Variants in TTLL5 observed in about 807,000 individuals in gnomAD.
The protein encoded by TTLL5 is tubulin tyrosine ligase like 5.
A neutral mutation model predicts 168.4 loss-of-function variants in TTLL5; 132 were observed. The observed-to-expected ratio is 0.78, with a 90% CI of 0.68 to 0.91. TTLL5 has a LOEUF of 0.91. TTLL5 is among the 40% of genes least tolerant of loss of function. TTLL5 has a pLI of 0.00. For synonymous variants in TTLL5, 546 were observed against 558.6 expected, an observed-to-expected ratio of 0.98 and a Z score of 0.32; for missense variants, 1,545 against 1,581.5, an observed-to-expected ratio of 0.98 and a Z score of 0.39.
chr14:75,661,793 A>G (rs912653249), intron 1 of TTLL5, among the ~76,000 whole-genome samples: 5 of 152,054 alleles, frequency 3.3e-5, no homozygotes, highest in Admixed American at 6.5e-5. Context: ...CCCGTTGAGA[A>G]TCCCCTGAAG....
At chr14:75,798,437 G>GT (rs974162511) in intron 27 of TTLL5, among the ~76,000 whole-genome samples, 33 of 149,748 alleles carry the variant, frequency 2.2e-4, no homozygotes, top group African/African-American at 8.1e-4. Flanking sequence ...TTTGTATTGG[G>GT]TTTTTTTGTT....
rs373032875 is a variant in TTLL5 at position 75,766,053 on chromosome 14, C to A, written c.1709-9C>A. ...TTTTTCAGCAACATTAGTGATTCTT[C>A]GTATTTAGTGATTACCCAACCAGCT... On this transcript the variant is annotated splice_polypyrimidine_tract_variant and intron_variant, in intron 19 of 31. Coordinates refer to ENST00000298832, the MANE Select transcript of TTLL5 (RefSeq NM_015072.5). 1.3e-6 allele frequency: 2 copies of A among 1,599,326 alleles called. No homozygotes were observed. Among genetic ancestry groups the A allele is most frequent in the Admixed American group, 1.7e-5 (1 of 57,562 alleles).
chr14:75,878,403 C>T (rs1048108724), intron 29 of TTLL5, among the ~76,000 whole-genome samples: 1 of 152,168 alleles, frequency 6.6e-6, no homozygotes, highest in Non-Finnish European at 1.5e-5. Flanking sequence ...CTATGCCTAT[C>T]CACCTCTTGC....
chr14:75,895,687 TAA>T (rs2032622708), intron 30 of TTLL5, among the ~76,000 whole-genome samples: 2 of 152,058 alleles, frequency 1.3e-5, no homozygotes, highest in African/African-American at 4.8e-5. Flanking sequence ...CACTCAAAAA[TAA>T]ACTCTTAATA....
chr14:75,669,500 C>T lies in TTLL5; in HGVS notation c.159C>T (p.Asp53=). The T allele has an allele frequency of 6.2e-7, 1 of 1,614,028 alleles. No homozygotes were observed. Among genetic ancestry groups the T allele is most frequent in the Non-Finnish European group, 8.5e-7 (1 of 1,179,934 alleles). ...ATGCCGACGCTATTCTTACAAAGGA[C>T]AACAATATTAGAGTAATTGGAGGTG... ...VFHADAILTK[D]NNIRVIGERY... Residue 53 remains aspartate, a synonymous_variant, in exon 3 of 32, where the codon GAC becomes GAT. Coordinates refer to ENST00000298832, the MANE Select transcript of TTLL5 (RefSeq NM_015072.5).
rs1191968656 is a variant in TTLL5, at chr14:75,732,385, T to G, written c.1090T>G (p.Leu364Val). The G allele has an allele frequency of 2.5e-6, 4 of 1,613,790 alleles. No homozygotes were observed. The highest frequency in any genetic ancestry group is 3.4e-6 in the Non-Finnish European group (4 of 1,179,890). ...VLIDSTLKPW[L>V]LEVNLSPSLA... Reference sequence around the variant, plus strand: ...CATAGATTCTACTCTGAAGCCATGGTTGTTGGAAGTGAATCTCTCTCCTTC... The same window carrying G: ...CATAGATTCTACTCTGAAGCCATGGGTGTTGGAAGTGAATCTCTCTCCTTC... The change falls in exon 13 of 32, where the codon TTG (leucine) becomes GTG (valine). Residue 364 changes from leucine (L) to valine (V), a missense_variant. Coordinates refer to ENST00000298832, the MANE Select transcript of TTLL5 (RefSeq NM_015072.5).
chr14:75,911,104 T>G (rs941801161), intron 31 of TTLL5, among the ~76,000 whole-genome samples: 1 of 152,190 alleles, frequency 6.6e-6, no homozygotes, highest in African/African-American at 2.4e-5. Flanking sequence ...CTCAGCTCAC[T>G]GCAACTTCCG....
At chr14:75,863,934 A>AAAAAT in intron 29 of TTLL5, 72 bp downstream of exon 29, 1 of 1,266,296 alleles carries the variant, frequency 7.9e-7, no homozygotes, top group Non-Finnish European at 1.0e-6. Flanking sequence ...AAAAAAAAAA[A>AAAAAT]GGTCAGTGAA....
chr14:75,909,611 G>A (rs1346228719), intron 31 of TTLL5, among the ~76,000 whole-genome samples: 3 of 152,014 alleles, frequency 2.0e-5, no homozygotes, highest in African/African-American at 7.3e-5. Flanking sequence ...TTGACATACC[G>A]TATCCAACAT....
At chr14:75,739,332 A>G (rs1425356804) in intron 15 of TTLL5, among the ~76,000 whole-genome samples, 3 of 151,892 alleles carry the variant, frequency 2.0e-5, no homozygotes, top group Admixed American at 2.0e-4. Context: ...GTACTTTGCA[A>G]TGTTCTATTT....
chr14:75,939,898 T>C (rs2034546033), intron 31 of TTLL5, among the ~76,000 whole-genome samples: 1 of 152,084 alleles, frequency 6.6e-6, no homozygotes, highest in Non-Finnish European at 1.5e-5. Flanking sequence ...CTCAAAGCTA[T>C]ATAAAAATCC....
At chr14:75,833,272 ACT>A (rs1895682330) in intron 28 of TTLL5, among the ~76,000 whole-genome samples, 2 of 151,874 alleles carry the variant, frequency 1.3e-5, no homozygotes, top group South Asian at 2.1e-4. Flanking sequence ...ATATTTCAAG[ACT>A]CTGCTGTTCG....
chr14:75,819,397 C>CA (rs1422059821), intron 27 of TTLL5, among the ~76,000 whole-genome samples: 2 of 152,262 alleles, frequency 1.3e-5, no homozygotes, highest in Non-Finnish European at 2.9e-5. Context: ...AAGTGATATG[C>CA]AAAAATGATG....
chr14:75,681,878 C>T (rs549156164), intron 4 of TTLL5, among the ~76,000 whole-genome samples: 8 of 152,124 alleles, frequency 5.3e-5, no homozygotes, highest in Non-Finnish European at 1.2e-4. Flanking sequence ...CTAGGGGCAC[C>T]GTTGCCCATA....
Position 75,675,658 on chromosome 14 carries a change from GTTCT to G in TTLL5, c.182-5881_182-5878del, listed in dbSNP as rs1314531450. ...ACAGAAGAAAACATGGGATGAGGTGGTTCTTTCTTAGGCAGTTGGGCAGCTTCAG... is the reference window on the plus strand; with the variant it reads ...ACAGAAGAAAACATGGGATGAGGTGGTTCTTAGGCAGTTGGGCAGCTTCAG... On this transcript the variant is annotated intron_variant, in intron 3 of 31. Coordinates refer to ENST00000298832, the MANE Select transcript of TTLL5 (RefSeq NM_015072.5). Among the ~76,000 whole-genome samples the G allele has an allele frequency of 6.6e-5, 10 of 152,318 alleles. No individual in the cohort carries two copies. The South Asian group carries it at 2.1e-3, about 32-fold the overall frequency.
At chr14:75,774,884 T>A (rs1469457857) in intron 21 of TTLL5, among the ~76,000 whole-genome samples, 1 of 152,038 alleles carries the variant, frequency 6.6e-6, no homozygotes, top group Non-Finnish European at 1.5e-5. Flanking sequence ...AAATGCAGTT[T>A]TACTGTGTTG....
At chr14:75,775,704 G>A (rs948920393) in intron 22 of TTLL5, 74 bp downstream of exon 22, 1 of 1,535,304 alleles carries the variant, frequency 6.5e-7, no homozygotes, top group Admixed American at 1.8e-5. Flanking sequence ...AGAAGCCTCT[G>A]TCCAACTGGA....
intron 28 of TTLL5, among the ~76,000 whole-genome samples, chr14:75,840,034 A>G (rs896406071): frequency 3.3e-5 from 5 of 152,148 alleles, no homozygotes; most frequent in East Asian, 1.9e-4. Flanking sequence ...CCTGTTGACA[A>G]TGTAACCCTT....
intron 31 of TTLL5, among the ~76,000 whole-genome samples, chr14:75,906,191 A>G (rs2033140595): frequency 6.6e-6 from 1 of 152,140 alleles, no homozygotes; most frequent in African/African-American, 2.4e-5. Flanking sequence ...CTTTCAAGCA[A>G]AATTACTTGC....
Sources: gnomAD v4.1 joint callset for allele counts (sites outside exome capture counted in the v4.1 genomes callset) on GRCh38, gnomAD v4.1.1 for gene constraint, MANE v1.5 for transcripts, NCBI Gene and HGNC (gene_info 2026-07-23, HGNC 2026-07-21) for gene names.